Variants in C12orf42 observed in about 807,000 individuals in gnomAD.
The protein encoded by C12orf42 is uncharacterized protein C12orf42.
In C12orf42, 25 loss-of-function variants were observed where a neutral mutation model predicts 21.6. That is an observed-to-expected ratio of 1.16 (90% CI 0.84 to 1.62). The LOEUF (loss-of-function observed/expected upper bound fraction) is 1.62, where lower values mean the gene tolerates loss of function less well. Among genes scored for constraint, C12orf42 ranks in the 40% most tolerant of loss-of-function variants. The pLI, the probability that C12orf42 is intolerant of heterozygous loss-of-function variation, is 0.00. For missense variants in C12orf42, 483 were observed against 459.3 expected, an observed-to-expected ratio of 1.05 and a Z score of -0.47; for synonymous variants, 174 against 175.0, an observed-to-expected ratio of 0.99 and a Z score of 0.05.
chr12:103,553,637 T>G, the C12orf42 span, among the ~76,000 whole-genome samples: 1 of 152,212 alleles, frequency 6.6e-6, no homozygotes, highest in African/African-American at 2.4e-5. Context: ...TGAGTCAGTT[T>G]CCTAAATTCC....
chr12:103,402,283 T>C (rs1280590540), intron 2 of C12orf42, among the ~76,000 whole-genome samples: 2 of 152,228 alleles, frequency 1.3e-5, no homozygotes, highest in Admixed American at 1.3e-4. Flanking sequence ...GATCTCACAA[T>C]GGAAGAGAAC....
chr12:103,195,183 A>G, the C12orf42 span, among the ~76,000 whole-genome samples: 1 of 152,062 alleles, frequency 6.6e-6, no homozygotes, highest in East Asian at 1.9e-4. Flanking sequence ...CATTTTCTTT[A>G]TCCAGTCCAC....
chr12:103,323,582 T>C (rs957514219), intron 4 of C12orf42, among the ~76,000 whole-genome samples: 3 of 152,110 alleles, frequency 2.0e-5, no homozygotes, highest in Admixed American at 6.5e-5. Flanking sequence ...AATAGCACAG[T>C]TATAGTCCTG....
intron 4 of C12orf42, among the ~76,000 whole-genome samples, chr12:103,356,891 ATTTG>A (rs1185551785): frequency 3.3e-5 from 5 of 151,944 alleles, no homozygotes; most frequent in Admixed American, 6.6e-5. Context: ...TTTCTTGTAA[ATTTG>A]TTTGAGTTCA....
chr12:103,435,334 C>T (rs553329787), intron 2 of C12orf42, among the ~76,000 whole-genome samples: 166 of 152,318 alleles, frequency 1.1e-3, no homozygotes, highest in African/African-American at 3.6e-3. Context: ...AATTCTAAAA[C>T]GCAGAGTGCC....
Position 103,376,232 on chromosome 12 carries a change from T to A in C12orf42, c.148-7234A>T, listed in dbSNP as rs74207156. Among the ~76,000 whole-genome samples, 1,973 of 152,020 alleles carry A rather than the reference T, an allele frequency of 0.013. 129 individuals are homozygous for A. The East Asian group carries it at 0.22, about 17-fold the overall frequency. ...TACGGAATAATATGCAGACAAAAAA[T>A]AATGAGTTTGTGCCCTTTGCAGGGA... On this transcript the variant is annotated intron_variant, in intron 3 of 5. Transcript: ENST00000548883.
chr12:103,214,792 T>C, the C12orf42 span, among the ~76,000 whole-genome samples: 1 of 152,164 alleles, frequency 6.6e-6, no homozygotes, highest in Non-Finnish European at 1.5e-5. Context: ...CTATTTCTGT[T>C]GCATCTTTCC....
At chr12:103,137,141 T>C in the C12orf42 span, among the ~76,000 whole-genome samples, 3 of 152,064 alleles carry the variant, frequency 2.0e-5, no homozygotes, top group Non-Finnish European at 2.9e-5. Flanking sequence ...GGAACTAATA[T>C]TCAAAATATA....
intron 2 of C12orf42, among the ~76,000 whole-genome samples, chr12:103,462,487 T>C (rs372001561): frequency 6.6e-6 from 1 of 152,098 alleles, no homozygotes; most frequent in East Asian, 1.9e-4. Context: ...TGTTATGATA[T>C]CTCAGTAACA....
At chr12:103,343,017 G>A (rs191410463) in intron 4 of C12orf42, among the ~76,000 whole-genome samples, 13 of 152,214 alleles carry the variant, frequency 8.5e-5, no homozygotes, top group East Asian at 1.9e-4. Flanking sequence ...GAAAATATGC[G>A]AGTAGTAGAA....
the C12orf42 span, among the ~76,000 whole-genome samples, chr12:103,195,406 C>T: frequency 1.3e-5 from 2 of 152,144 alleles, no homozygotes; most frequent in African/African-American, 2.4e-5. Flanking sequence ...TTTGCATTCC[C>T]ATCAGCAATG....
At chr12:103,146,613 A>AAGAAAGAAAGAAAGG in the C12orf42 span, among the ~76,000 whole-genome samples, 2 of 151,936 alleles carry the variant, frequency 1.3e-5, no homozygotes, top group East Asian at 1.9e-4. Context: ...AGAAAGAAAA[A>AAGAAAGAAAGAAAGG]GAAAAGTAAA....
chr12:103,188,791 G>C, the C12orf42 span, among the ~76,000 whole-genome samples: 1 of 152,188 alleles, frequency 6.6e-6, no homozygotes. Context: ...ATCAGATGTG[G>C]TGTCAGCACC....
chr12:103,387,835 C>T (rs1317006964), intron 3 of C12orf42, among the ~76,000 whole-genome samples: 2 of 152,202 alleles, frequency 1.3e-5, no homozygotes, highest in Non-Finnish European at 1.5e-5. Flanking sequence ...GCTCTGCCAT[C>T]ATACCTTTTC....
chr12:103,360,409 C>T (rs1458568956), intron 4 of C12orf42, among the ~76,000 whole-genome samples: 1 of 151,856 alleles, frequency 6.6e-6, no homozygotes, highest in Non-Finnish European at 1.5e-5. Context: ...TATTGTCTTC[C>T]TAGTCCCTCC....
chr12:103,459,521 C>T (rs1201912428), intron 2 of C12orf42, among the ~76,000 whole-genome samples: 1 of 152,162 alleles, frequency 6.6e-6, no homozygotes, highest in Non-Finnish European at 1.5e-5. Context: ...TCACCTCCTG[C>T]CATGATTGTA....
In C12orf42 at chr12:103,478,210, G is replaced by A. The variant is rs998169977; in HGVS notation, c.78+139C>T. On this transcript the variant is annotated intron_variant, in intron 2 of 5. Coordinates refer to ENST00000548883, the MANE Select transcript of C12orf42 (RefSeq NM_198521.5). The stretch of plus-strand genomic sequence containing the variant: ...CTATAATTTACAATGATGTGAGTAT[G>A]GATAAATATGGAAACTAAGAGGATT... 4 of 594,624 alleles carry A rather than the reference G, an allele frequency of 6.7e-6. No individual in the cohort carries two copies. The East Asian group carries it at 9.4e-5, about 14-fold the overall frequency. The allele number at this position is 594,624 out of a possible 1,614,324, so 36.8% of individuals were successfully genotyped here.
the C12orf42 span, among the ~76,000 whole-genome samples, chr12:103,518,657 A>G: frequency 1.3e-5 from 2 of 152,176 alleles, no homozygotes; most frequent in East Asian, 1.9e-4. Context: ...AAACTTTCAC[A>G]CTGTATAGAG....
chr12:103,133,631 TC>T, the C12orf42 span, among the ~76,000 whole-genome samples: 4,964 of 152,150 alleles, frequency 0.033, 152 homozygotes, highest in African/African-American at 0.085. Flanking sequence ...GCCAAAGAAA[TC>T]ATATGAAGAC....
Sources: gnomAD v4.1 joint callset for allele counts (sites outside exome capture counted in the v4.1 genomes callset) on GRCh38, gnomAD v4.1.1 for gene constraint, MANE v1.5 for transcripts, NCBI Gene and HGNC (gene_info 2026-07-23, HGNC 2026-07-21) for gene names.